Variants in CTNNA2 observed in about 807,000 individuals in gnomAD.
The protein encoded by CTNNA2 is catenin alpha 2.
Under a neutral mutation model 101.0 loss-of-function variants are expected in CTNNA2, and 42 were observed. That is an observed-to-expected ratio of 0.42 (90% CI 0.32 to 0.54). The LOEUF is 0.54. CTNNA2 is among the 20% of genes least tolerant of loss of function. The pLI is 0.14. For synonymous variants in CTNNA2, 450 were observed against 456.4 expected (o/e 0.99, Z 0.18); for missense variants, 871 against 1,223.1 (o/e 0.71, Z 4.29).
intron 7 of CTNNA2, among the ~76,000 whole-genome samples, chr2:80,069,136 T>A (rs1698167210): frequency 6.6e-6 from 1 of 152,190 alleles, no homozygotes; most frequent in Non-Finnish European, 1.5e-5. Context: ...GCAGAGAAGA[T>A]AGATGTCCCA....
At chr2:79,471,209 G>C (rs1670994840) in intron 4 of CTNNA2, among the ~76,000 whole-genome samples, 1 of 152,152 alleles carries the variant, frequency 6.6e-6, no homozygotes, top group Non-Finnish European at 1.5e-5. Context: ...GGATGAGGCT[G>C]CCATGTGATT....
chr2:80,187,088 T>A (rs1706177246), intron 7 of CTNNA2, among the ~76,000 whole-genome samples: 1 of 152,254 alleles, frequency 6.6e-6, no homozygotes, highest in Non-Finnish European at 1.5e-5. Context: ...TTTGCTCATT[T>A]TGGTTTATGG....
intron 9 of CTNNA2, among the ~76,000 whole-genome samples, chr2:80,443,242 T>A (rs1253839169): frequency 6.6e-6 from 1 of 152,214 alleles, no homozygotes; most frequent in Non-Finnish European, 1.5e-5. Flanking sequence ...AAAACAGCTC[T>A]TCTTCACCCC....
intron 7 of CTNNA2, among the ~76,000 whole-genome samples, chr2:80,230,743 T>C (rs969434331): frequency 2.6e-5 from 4 of 152,134 alleles, no homozygotes; most frequent in African/African-American, 9.7e-5. Context: ...GAAGCTCACA[T>C]AAGGAAATCA....
At chr2:80,335,489 C>T (rs11688262) in intron 7 of CTNNA2, among the ~76,000 whole-genome samples, 11,462 of 152,186 alleles carry the variant, frequency 0.075, 439 homozygotes, top group Non-Finnish European at 0.089. Flanking sequence ...TCTGAAAGTA[C>T]AGCGCAGTGT....
intron 12 of CTNNA2, among the ~76,000 whole-genome samples, chr2:80,573,794 C>T (rs780867777): frequency 2.6e-5 from 4 of 152,164 alleles, no homozygotes; most frequent in Admixed American, 6.6e-5. Flanking sequence ...CAGGTTAAAA[C>T]GTGGCCAAGG....
chr2:80,581,859 C>CCGTGTTTA (rs1695571668), intron 14 of CTNNA2, 40 bp downstream of exon 14: 3 of 1,169,984 alleles, frequency 2.6e-6, no homozygotes, highest in African/African-American at 1.5e-5. Flanking sequence ...CACACAGGGA[C>CCGTGTTTA]CGTGTTTACT....
At chr2:79,212,828 G>A (rs1674193923) in intron 2 of CTNNA2, among the ~76,000 whole-genome samples, 2 of 152,200 alleles carry the variant, frequency 1.3e-5, no homozygotes, top group Non-Finnish European at 2.9e-5. Flanking sequence ...CTGGGCAGGG[G>A]CAAATCCTTG....
intron 7 of CTNNA2, among the ~76,000 whole-genome samples, chr2:80,367,069 A>G (rs1208411778): frequency 1.3e-5 from 2 of 150,610 alleles, no homozygotes; most frequent in Non-Finnish European, 2.9e-5. Flanking sequence ...ATACACATGT[A>G]TCTCAAAGAG....
chr2:79,710,753 G>T (rs1201997196), intron 2 of CTNNA2, among the ~76,000 whole-genome samples: 2 of 152,040 alleles, frequency 1.3e-5, no homozygotes, highest in East Asian at 1.9e-4. Context: ...TGTTGTGTGT[G>T]CATATGAGCT....
intron 7 of CTNNA2, among the ~76,000 whole-genome samples, chr2:80,251,468 C>A (rs1263316518): frequency 6.6e-6 from 1 of 152,102 alleles, no homozygotes; most frequent in African/African-American, 2.4e-5. Flanking sequence ...AAGAGGGGGA[C>A]CTGAATGAAA....
At chr2:80,163,014 C>T in intron 7 of CTNNA2, 1 of 1,560,358 alleles carries the variant, frequency 6.4e-7, no homozygotes, top group Non-Finnish European at 8.8e-7. Context: ...TTTGATAGGC[C>T]TTCCATAAAG....
chr2:80,601,494 TCAGAATCTCC>T, intron 15 of CTNNA2: 1 of 150,272 alleles, frequency 6.7e-6, no homozygotes, highest in Non-Finnish European at 1.5e-5. Context: ...TTTTGATTTT[TCAGAATCTCC>T]TTTCTGGTCT....
At chr2:80,144,027 G>A (rs901903954) in intron 7 of CTNNA2, among the ~76,000 whole-genome samples, 2 of 152,104 alleles carry the variant, frequency 1.3e-5, no homozygotes, top group Admixed American at 6.5e-5. Flanking sequence ...AAGTCCAAAA[G>A]GCTTCTGACC....
At chr2:79,498,457 G>T (rs1428131022) in intron 4 of CTNNA2, among the ~76,000 whole-genome samples, 1 of 152,126 alleles carries the variant, frequency 6.6e-6, no homozygotes, top group African/African-American at 2.4e-5. Context: ...AAATTAGCAA[G>T]CATGGTCTCC....
chr2:80,640,650 G>A (rs1309555446), intron 18 of CTNNA2, among the ~76,000 whole-genome samples: 2 of 152,140 alleles, frequency 1.3e-5, no homozygotes, highest in Non-Finnish European at 2.9e-5. Context: ...ACATCAAATA[G>A]GTCTTCAAAG....
intron 9 of CTNNA2, among the ~76,000 whole-genome samples, chr2:80,544,137 G>A (rs569350033): frequency 4.7e-4 from 71 of 152,168 alleles, no homozygotes; most frequent in African/African-American, 1.7e-3. Context: ...GTTTGGGGTA[G>A]CATAGTGTTC....
chr2:79,479,712 C>T (rs1334495964), intron 4 of CTNNA2, among the ~76,000 whole-genome samples: 1 of 152,022 alleles, frequency 6.6e-6, no homozygotes, highest in East Asian at 1.9e-4. Context: ...TGCCTGAGGT[C>T]AGCAGTTCAA....
intron 1 of CTNNA2, among the ~76,000 whole-genome samples, chr2:79,593,618 CCTT>C (rs1339617655): frequency 1.3e-5 from 2 of 152,008 alleles, no homozygotes; most frequent in South Asian, 2.1e-4. Context: ...TCTCTGCCGT[CCTT>C]CTTCTCTATT....
Sources: gnomAD v4.1 joint callset for allele counts (sites outside exome capture counted in the v4.1 genomes callset) on GRCh38, gnomAD v4.1.1 for gene constraint, MANE v1.5 for transcripts, NCBI Gene and HGNC (gene_info 2026-07-23, HGNC 2026-07-21) for gene names.